The following GRID1 variants were observed in gnomAD, a reference collection of about 807,000 sequenced individuals.
GRID1 encodes the protein glutamate ionotropic receptor delta type subunit 1.
Under a neutral mutation model 98.0 loss-of-function variants are expected in GRID1, and 28 were observed. That is an observed-to-expected ratio of 0.29 (90% CI 0.21 to 0.39). The LOEUF (loss-of-function observed/expected upper bound fraction) is 0.39, where lower values mean the gene tolerates loss of function less well. Among genes scored for constraint, GRID1 ranks in the 10% least tolerant of loss-of-function variants. The pLI is 1.00. For missense variants in GRID1, 1,111 were observed against 1,340.5 expected (o/e 0.83, Z 2.67); for synonymous variants, 553 against 538.5 (o/e 1.03, Z -0.37).
intron 2 of GRID1, among the ~76,000 whole-genome samples, chr10:86,257,349 C>T (rs549014403): frequency 1.3e-5 from 2 of 152,270 alleles, no homozygotes; most frequent in South Asian, 4.1e-4. Flanking sequence ...CTACTGATTC[C>T]ACTTGAGAGA....
At chr10:85,773,475 G>T (rs141508156) in intron 8 of GRID1, among the ~76,000 whole-genome samples, 1 of 150,816 alleles carries the variant, frequency 6.6e-6, no homozygotes, top group Non-Finnish European at 1.5e-5. Context: ...TCTGGCCAGG[G>T]CAATTAGGCA....
At chr10:86,086,714 G>A (rs997260327) in intron 4 of GRID1, among the ~76,000 whole-genome samples, 4 of 152,244 alleles carry the variant, frequency 2.6e-5, no homozygotes, top group African/African-American at 9.6e-5. Context: ...GTGTACTTGT[G>A]TGCAAGTGTC....
intron 12 of GRID1, among the ~76,000 whole-genome samples, chr10:85,707,519 T>C (rs1340167813): frequency 1.3e-5 from 2 of 152,348 alleles, no homozygotes; most frequent in South Asian, 4.1e-4. Flanking sequence ...TTGGTGGGAC[T>C]GTAAACTAGT....
intron 4 of GRID1, among the ~76,000 whole-genome samples, chr10:85,955,916 C>A (rs926610881): frequency 5.3e-5 from 8 of 152,152 alleles, no homozygotes; most frequent in Non-Finnish European, 8.8e-5. Flanking sequence ...CTCCCCTCAG[C>A]CCTTTCTCTT....
At chr10:86,020,343 A>G (rs1380258440) in intron 4 of GRID1, among the ~76,000 whole-genome samples, 1 of 152,200 alleles carries the variant, frequency 6.6e-6, no homozygotes, top group African/African-American at 2.4e-5. Context: ...TGTGACTGAC[A>G]GGATGGTTCC....
intron 5 of GRID1, among the ~76,000 whole-genome samples, chr10:85,871,892 T>C (rs1300096064): frequency 1.3e-5 from 2 of 152,190 alleles, no homozygotes; most frequent in Non-Finnish European, 2.9e-5. Context: ...TGCTATTACA[T>C]ATTGGATTTG....
intron 13 of GRID1, among the ~76,000 whole-genome samples, chr10:85,636,982 G>T (rs980405955): frequency 2.4e-4 from 36 of 152,102 alleles, no homozygotes; most frequent in Middle Eastern, 3.2e-3. Context: ...AACTGGAAAT[G>T]ACCCAAATGG....
chr10:86,006,345 G>T (rs1842859898), intron 4 of GRID1, among the ~76,000 whole-genome samples: 1 of 152,328 alleles, frequency 6.6e-6, no homozygotes, highest in South Asian at 2.1e-4. Flanking sequence ...ACAGGGCTGG[G>T]CATGGTGGCT....
At chr10:86,321,267 T>C (rs185848709) in intron 2 of GRID1, among the ~76,000 whole-genome samples, 98 of 152,232 alleles carry the variant, frequency 6.4e-4, no homozygotes, top group African/African-American at 2.1e-3. Flanking sequence ...GGTAATTATA[T>C]GAAATGATGT....
chr10:86,300,669 G>A (rs566989318), intron 2 of GRID1, among the ~76,000 whole-genome samples: 262 of 152,120 alleles, frequency 1.7e-3, no homozygotes, highest in Non-Finnish European at 3.1e-3. Context: ...CTTCTTCTAG[G>A]TCCACCTGAG....
intron 8 of GRID1, among the ~76,000 whole-genome samples, chr10:85,806,956 A>G (rs1362219854): frequency 6.6e-6 from 1 of 152,214 alleles, no homozygotes; most frequent in African/African-American, 2.4e-5. Flanking sequence ...GATTTTTTTA[A>G]ACTTTACAAA....
intron 3 of GRID1, among the ~76,000 whole-genome samples, chr10:86,186,512 G>A (rs1316654139): frequency 1.3e-5 from 2 of 152,042 alleles, no homozygotes; most frequent in Non-Finnish European, 2.9e-5. Flanking sequence ...AGTAATTTGA[G>A]GACTTTCTGC....
At chr10:85,790,412 G>A (rs1258555296) in intron 8 of GRID1, among the ~76,000 whole-genome samples, 1 of 152,254 alleles carries the variant, frequency 6.6e-6, no homozygotes, top group Admixed American at 6.5e-5. Flanking sequence ...TTGGGAAAGG[G>A]AAACTGGAAA....
chr10:85,854,164 C>T (rs916663764), intron 8 of GRID1, among the ~76,000 whole-genome samples: 2 of 152,130 alleles, frequency 1.3e-5, no homozygotes, highest in Admixed American at 6.5e-5. Context: ...TCCCTGTGGT[C>T]GGGCTGATTT....
intron 3 of GRID1, among the ~76,000 whole-genome samples, chr10:86,153,209 C>T (rs1390587336): frequency 6.6e-6 from 1 of 152,138 alleles, no homozygotes; most frequent in African/African-American, 2.4e-5. Context: ...AGGAAGGCCT[C>T]CCTGACTGAC....
At chr10:85,762,800 A>T (rs1842159319) in intron 8 of GRID1, among the ~76,000 whole-genome samples, 1 of 152,224 alleles carries the variant, frequency 6.6e-6, no homozygotes, top group South Asian at 2.1e-4. Flanking sequence ...GGAAGAAGTG[A>T]GTGCCTGTTG....
intron 4 of GRID1, among the ~76,000 whole-genome samples, chr10:86,076,505 G>C (rs1414148020): frequency 6.6e-6 from 1 of 152,194 alleles, no homozygotes. Context: ...TGTGCATTGA[G>C]AGAGGAAGAG....
chr10:86,361,967 G>A (rs1848605838), intron 2 of GRID1, among the ~76,000 whole-genome samples: 1 of 152,178 alleles, frequency 6.6e-6, no homozygotes, highest in Admixed American at 6.5e-5. Context: ...TTAGTCCCTG[G>A]GGAACTGCTG....
At position 86,365,493 on chromosome 10, in the gene GRID1, ATCT is replaced by A. The variant is rs975920546; in HGVS notation, c.79+818_79+820del. Among the ~76,000 whole-genome samples, 18 of 142,132 alleles carry A rather than the reference ATCT, an allele frequency of 1.3e-4. No individual in the cohort carries two copies. The highest frequency in any genetic ancestry group is 2.3e-4 in the Non-Finnish European group (15 of 65,526). 93.2% of individuals were successfully genotyped at this position (142,132 alleles called of 152,430 possible). On this transcript the variant is annotated intron_variant, in intron 1 of 15. Transcript: ENST00000327946. The surrounding 1 kb of genome is among the most constrained non-coding windows in gnomAD (Gnocchi z 4.8). Reference sequence around the variant, plus strand: ...GCGCCCCCTCCTCCTCTGCGCTTTCATCTTCTCTCCCGGTTCTCTCTCTCTATC... The same window carrying A: ...GCGCCCCCTCCTCCTCTGCGCTTTCATCTCTCCCGGTTCTCTCTCTCTATC...
Sources: allele counts gnomAD v4.1 joint callset (sites outside exome capture counted in the v4.1 genomes callset), GRCh38; gene constraint gnomAD v4.1.1; non-coding constraint Gnocchi (gnomAD v3.1); transcripts MANE v1.5; gene names NCBI Gene and HGNC (gene_info 2026-07-23, HGNC 2026-07-21).